The following SETD3 variants were observed in gnomAD, a reference collection of about 807,000 sequenced individuals.
SETD3 encodes actin-histidine N-methyltransferase.
In SETD3, 19 loss-of-function variants were observed where a neutral mutation model predicts 63.0. The ratio of observed to expected loss-of-function variants is 0.30; its 90% CI spans 0.21 to 0.44. SETD3 has a LOEUF of 0.44. Ranked by LOEUF, SETD3 falls within the 20% of genes least tolerant of loss-of-function variation. The pLI is 1.00. For missense variants in SETD3, 587 were observed against 728.5 expected (o/e 0.81, Z 2.24); for synonymous variants, 286 against 264.1 (o/e 1.08, Z -0.80).
chr14:99,486,290 T>A, the SETD3 span, among the ~76,000 whole-genome samples: 1 of 152,236 alleles, frequency 6.6e-6, no homozygotes, highest in African/African-American at 2.4e-5. Context: ...TTGGTGATTC[T>A]TAGTCTGCAA....
chr14:99,435,163 T>A (rs1893409533), intron 6 of SETD3, among the ~76,000 whole-genome samples: 1 of 152,206 alleles, frequency 6.6e-6, no homozygotes, highest in African/African-American at 2.4e-5. Context: ...TATTGTCATG[T>A]TTATTCATAG....
chr14:99,414,541 C>G (rs2400665), intron 6 of SETD3, among the ~76,000 whole-genome samples: 60,488 of 152,112 alleles, frequency 0.4, 12,917 homozygotes, highest in East Asian at 0.56. Context: ...AAAATAACTT[C>G]ACAAACACAT....
chr14:99,410,673 A>G (rs1891937232), intron 8 of SETD3, among the ~76,000 whole-genome samples: 1 of 152,194 alleles, frequency 6.6e-6, no homozygotes. Flanking sequence ...CCCTTCCTAC[A>G]TTTATTTCTC....
chr14:99,425,732 T>C (rs944393598), intron 6 of SETD3, among the ~76,000 whole-genome samples: 5 of 152,216 alleles, frequency 3.3e-5, no homozygotes, highest in Admixed American at 2.0e-4. Context: ...AGTTTAGATT[T>C]AGCCTCCAAT....
rs143482118 is a variant in SETD3, at chr14:99,410,431, G to A, written c.849+2520C>T. 3.9e-5 allele frequency among the ~76,000 whole-genome samples: 6 copies of A among 152,184 alleles called. No homozygotes were observed. The East Asian group carries it at 1.2e-3, about 29-fold the overall frequency. On this transcript the variant is annotated intron_variant, in intron 8 of 12. Transcript: ENST00000331768. Reference sequence around the variant, plus strand: ...CTCCGTTGTGCCTGAATTTCCAGCTGCCCTTTCATCCCACCTGGTAGAGTC... The same window carrying A: ...CTCCGTTGTGCCTGAATTTCCAGCTACCCTTTCATCCCACCTGGTAGAGTC...
chr14:99,433,402 T>TG (rs1454992651), intron 6 of SETD3, among the ~76,000 whole-genome samples: 1 of 152,134 alleles, frequency 6.6e-6, no homozygotes, highest in African/African-American at 2.4e-5. Flanking sequence ...GTTTAATAGA[T>TG]ATTTCAGGTA....
chr14:99,475,342 G>T (rs1203043203), intron 1 of SETD3, among the ~76,000 whole-genome samples: 2 of 152,236 alleles, frequency 1.3e-5, no homozygotes, highest in African/African-American at 4.8e-5. Flanking sequence ...AGTCTGAGAA[G>T]GATATAAGAC....
chr14:99,407,473 A>C (rs1257039670), intron 8 of SETD3, among the ~76,000 whole-genome samples: 3 of 152,182 alleles, frequency 2.0e-5, no homozygotes, highest in Non-Finnish European at 4.4e-5. Context: ...CTTGGAACCT[A>C]GTCTCAAAAT....
chr14:99,467,774 C>T (rs957989201), intron 1 of SETD3, among the ~76,000 whole-genome samples: 5 of 152,180 alleles, frequency 3.3e-5, no homozygotes, highest in African/African-American at 1.2e-4. Flanking sequence ...GTAAGTGAGC[C>T]TGGGACAGGG....
At chr14:99,471,608 T>C (rs974457870) in intron 1 of SETD3, among the ~76,000 whole-genome samples, 5 of 152,202 alleles carry the variant, frequency 3.3e-5, no homozygotes, top group African/African-American at 7.2e-5. Flanking sequence ...GAATAGCCAT[T>C]GGGCTGGAGC....
At chr14:99,480,350 CA>C (rs1183713805) in intron 1 of SETD3, among the ~76,000 whole-genome samples, 2 of 151,920 alleles carry the variant, frequency 1.3e-5, no homozygotes, top group Admixed American at 6.5e-5. Context: ...GGGCCGGGGA[CA>C]GCGGGGCAAG....
intron 6 of SETD3, among the ~76,000 whole-genome samples, chr14:99,451,265 A>G (rs1179457643): frequency 6.6e-6 from 1 of 152,216 alleles, no homozygotes; most frequent in African/African-American, 2.4e-5. Flanking sequence ...TTCTAGGGTT[A>G]AAGTTGCAAC....
chr14:99,428,027 T>C (rs1892978016), intron 6 of SETD3, among the ~76,000 whole-genome samples: 1 of 152,140 alleles, frequency 6.6e-6, no homozygotes, highest in South Asian at 2.1e-4. Flanking sequence ...GCTGAGCAGC[T>C]GGGGTTTGCA....
chr14:99,405,093 G>C (rs1891608008), intron 10 of SETD3, 112 bp downstream of exon 10: 1 of 1,427,340 alleles, frequency 7.0e-7, no homozygotes, highest in African/African-American at 1.4e-5. Flanking sequence ...GGGATAAACG[G>C]ATTAAGACAA....
At chr14:99,457,370 T>A (rs942567451) in intron 6 of SETD3, among the ~76,000 whole-genome samples, 1 of 152,230 alleles carries the variant, frequency 6.6e-6, no homozygotes, top group South Asian at 2.1e-4. Flanking sequence ...AACATTCTTG[T>A]GTAGTAAGCA....
chr14:99,461,480 C>T (rs1036397928), intron 3 of SETD3, 140 bp from the exon 4 acceptor site: 1 of 806,962 alleles, frequency 1.2e-6, no homozygotes, highest in Admixed American at 2.6e-5. Flanking sequence ...AAACTAATCA[C>T]CAGATGGTCA....
At chr14:99,449,185 G>A (rs767891860) in intron 6 of SETD3, among the ~76,000 whole-genome samples, 8 of 152,194 alleles carry the variant, frequency 5.3e-5, no homozygotes, top group South Asian at 2.1e-4. Context: ...AAGAAATAAC[G>A]GAGACAGAAA....
intron 8 of SETD3, chr14:99,410,051 A>G (rs755419282): frequency 4.7e-6 from 3 of 636,816 alleles, no homozygotes; most frequent in Non-Finnish European, 8.4e-6. Context: ...AGGGAAATGT[A>G]ACAGGACAGG....
intron 6 of SETD3, among the ~76,000 whole-genome samples, chr14:99,419,644 G>A (rs1036814896): frequency 1.1e-3 from 165 of 150,820 alleles, no homozygotes; most frequent in African/African-American, 3.5e-3. Flanking sequence ...GCGTAGTGGC[G>A]GGCGCCTGTA....
Sources: allele counts gnomAD v4.1 joint callset (sites outside exome capture counted in the v4.1 genomes callset), GRCh38; gene constraint gnomAD v4.1.1; transcripts MANE v1.5; gene names NCBI Gene and HGNC (gene_info 2026-07-23, HGNC 2026-07-21).